Variants in MICU3 observed in about 807,000 individuals in gnomAD.
MICU3 encodes mitochondrial calcium uptake 3, also known as calcium uptake protein 3, mitochondrial.
A neutral mutation model predicts 66.5 loss-of-function variants in MICU3; 62 were observed. That is an observed-to-expected ratio of 0.93 (90% confidence interval 0.76 to 1.15). The LOEUF (loss-of-function observed/expected upper bound fraction) is 1.15. Ranked by LOEUF, MICU3 falls within the 50% of genes most tolerant of loss-of-function variation. The pLI is 0.00. For synonymous variants in MICU3, 308 were observed against 240.7 expected (o/e 1.28, Z -2.59); for missense variants, 779 against 664.4 (o/e 1.17, Z -1.90).
At chr8:17,094,701 G>A (rs1388414401) in intron 8 of MICU3, among the ~76,000 whole-genome samples, 1 of 151,862 alleles carries the variant, frequency 6.6e-6, no homozygotes, top group African/African-American at 2.4e-5. Context: ...TTGTCTATTA[G>A]TTGTTCTTTC....
At chr8:17,049,609 T>C in intron 1 of MICU3, 2 of 518,776 alleles carry the variant, frequency 3.9e-6, no homozygotes, top group South Asian at 2.8e-5. Context: ...GAAGCTGGCA[T>C]TTGAACGTAG....
At chr8:17,061,373 C>G (rs559550434) in intron 1 of MICU3, among the ~76,000 whole-genome samples, 4 of 151,696 alleles carry the variant, frequency 2.6e-5, no homozygotes, top group African/African-American at 7.3e-5. Flanking sequence ...ATCTCAGGAG[C>G]GGTAGTGGCA....
chr8:17,118,563 C>G, intron 13 of MICU3, 144 bp from the exon 14 acceptor site: 2 of 467,864 alleles, frequency 4.3e-6, no homozygotes, highest in Non-Finnish European at 3.8e-6. Context: ...CTTTCCTCCC[C>G]AGTCCCCCAG....
downstream of MICU3, among the ~76,000 whole-genome samples, chr8:17,127,103 A>G (rs2150854020): frequency 6.6e-6 from 1 of 152,320 alleles, no homozygotes; most frequent in African/African-American, 2.4e-5. Flanking sequence ...AGAATAAAAG[A>G]CAGTAAAGAT....
rs955499876 is a variant in MICU3, at chr8:17,120,309, A to G, written c.*22A>G. The G allele has an allele frequency of 7.2e-5, 11 of 152,150 alleles. No individual in the cohort carries two copies. Among genetic ancestry groups the G allele is most frequent in the Non-Finnish European group, 1.6e-4 (11 of 68,004 alleles). 9.4% of individuals were successfully genotyped at this position (152,150 alleles called of 1,614,324 possible). ...TTAGATACTCCTAAAACAAAGTTTAAAGGATTACTATCTGTGTGACAAATA... is the reference window on the plus strand; with the variant it reads ...TTAGATACTCCTAAAACAAAGTTTAGAGGATTACTATCTGTGTGACAAATA... On this transcript the variant is annotated 3_prime_UTR_variant, in exon 15 of 15. Coordinates refer to ENST00000318063, the MANE Select transcript of MICU3 (RefSeq NM_181723.3).
intron 1 of MICU3, among the ~76,000 whole-genome samples, chr8:17,028,996 G>A (rs145828722): frequency 1.3e-5 from 2 of 152,208 alleles, no homozygotes; most frequent in African/African-American, 4.8e-5. Flanking sequence ...AAAAGACCAC[G>A]TTCAGAAAGC....
intron 8 of MICU3, 54 bp downstream of exon 8, chr8:17,090,638 T>A (rs1012128830): frequency 7.5e-7 from 1 of 1,340,636 alleles, no homozygotes; most frequent in Non-Finnish European, 1.0e-6. Context: ...CCTGTTATAC[T>A]TGATAATGTT....
At chr8:17,048,477 C>T (rs1008343973) in intron 1 of MICU3, among the ~76,000 whole-genome samples, 1 of 152,208 alleles carries the variant, frequency 6.6e-6, no homozygotes, top group African/African-American at 2.4e-5. Context: ...TTCACTATCA[C>T]AAGAACAGTG....
At chr8:17,044,810 A>G (rs1048763130) in intron 1 of MICU3, among the ~76,000 whole-genome samples, 1 of 152,218 alleles carries the variant, frequency 6.6e-6, no homozygotes, top group Non-Finnish European at 1.5e-5. Flanking sequence ...TGTAATAAGG[A>G]GCAGTTGGCT....
At chr8:17,043,942 C>T (rs1349305328) in intron 1 of MICU3, among the ~76,000 whole-genome samples, 1 of 152,148 alleles carries the variant, frequency 6.6e-6, no homozygotes, top group Non-Finnish European at 1.5e-5. Context: ...AAATAGTGAA[C>T]TATGAAAAAT....
intron 11 of MICU3, among the ~76,000 whole-genome samples, chr8:17,112,451 C>G (rs1802292462): frequency 6.6e-6 from 1 of 152,158 alleles, no homozygotes; most frequent in African/African-American, 2.4e-5. Flanking sequence ...CTGCCCCTCT[C>G]TGACTGTCTG....
chr8:17,112,696 T>C (rs1176857206), intron 11 of MICU3, among the ~76,000 whole-genome samples: 2 of 152,264 alleles, frequency 1.3e-5, no homozygotes, highest in Admixed American at 1.3e-4. Context: ...CTTAATCTCA[T>C]GTCTGCCCCC....
intron 3 of MICU3, among the ~76,000 whole-genome samples, chr8:17,075,579 TA>T (rs1820262394): frequency 6.6e-6 from 1 of 152,144 alleles, no homozygotes; most frequent in South Asian, 2.1e-4. Context: ...GGTGGAAATA[TA>T]AAAAATTTAA....
At chr8:17,074,266 T>C (rs756407895) in intron 3 of MICU3, among the ~76,000 whole-genome samples, 34 of 152,088 alleles carry the variant, frequency 2.2e-4, no homozygotes, top group African/African-American at 5.8e-4. Context: ...TTGTGTTTTA[T>C]TGTGTTTTAA....
chr8:17,046,361 T>A (rs556878265), intron 1 of MICU3, among the ~76,000 whole-genome samples: 26 of 152,256 alleles, frequency 1.7e-4, no homozygotes, highest in African/African-American at 6.0e-4. Context: ...GTCACAGAAG[T>A]CTTCTGTGAT....
chr8:17,084,709 C>A (rs1799274436), intron 5 of MICU3, among the ~76,000 whole-genome samples: 1 of 152,052 alleles, frequency 6.6e-6, no homozygotes, highest in South Asian at 2.1e-4. Flanking sequence ...GCAATTGTTC[C>A]TTGTATTTTG....
rs180977070 is a variant in MICU3 at position 17,059,561 on chromosome 8, A to T, written c.382-4523A>T. Among the ~76,000 whole-genome samples the T allele has an allele frequency of 8.3e-4, 126 of 152,298 alleles. 2 individuals carry two copies. Among genetic ancestry groups the T allele is most frequent in the Admixed American group, 8.0e-3 (123 of 15,284 alleles). On this transcript the variant is annotated intron_variant, in intron 1 of 14. Transcript: ENST00000318063. ...TAAATGCTGAAAAGGAGAAGCTACA[A>T]CTGTCACCATTTTGAAAGAATTTGT...
rs998642318 is a variant in MICU3 at position 17,091,037 on chromosome 8, T to G, written c.888+453T>G. Among the ~76,000 whole-genome samples, 9 of 152,098 alleles carry G rather than the reference T, an allele frequency of 5.9e-5. 1 individual carries two copies. Among genetic ancestry groups the G allele is most frequent in the Admixed American group, 5.2e-4 (8 of 15,252 alleles). On this transcript the variant is annotated intron_variant, in intron 8 of 14. Transcript: ENST00000318063. ...TTCATTTTCACTTTTGCTCACAATT[T>G]TTTTTCAAAGCCTTTGTTTCCTGCC...
At chr8:17,136,961 A>C in the MICU3 span, among the ~76,000 whole-genome samples, 1 of 151,908 alleles carries the variant, frequency 6.6e-6, no homozygotes, top group Middle Eastern at 3.4e-3. Context: ...CAGCCTCCCA[A>C]GTAGCTGGAA....
Sources: gnomAD v4.1 joint callset for allele counts (sites outside exome capture counted in the v4.1 genomes callset) on GRCh38, gnomAD v4.1.1 for gene constraint, MANE v1.5 for transcripts, NCBI Gene and HGNC (gene_info 2026-07-23, HGNC 2026-07-21) for gene names.